ABCB5: variants seen among roughly 807,000 people sequenced by gnomAD.
The protein encoded by ABCB5 is ATP-binding cassette sub-family B member 5.
In ABCB5, 155 loss-of-function variants were observed where a neutral mutation model predicts 144.2. The observed-to-expected ratio is 1.08, with a 90% CI of 0.94 to 1.23. The LOEUF is 1.23. Among genes scored for constraint, ABCB5 ranks in the 50% most tolerant of loss-of-function variants. The probability of loss-of-function intolerance (pLI) is 0.00; values close to 1 mark genes in which losing one functional copy is unlikely to be tolerated. For missense variants in ABCB5, 1,830 were observed against 1,520.8 expected, an observed-to-expected ratio of 1.20 and a Z score of -3.38; for synonymous variants, 610 against 528.6, an observed-to-expected ratio of 1.15 and a Z score of -2.11.
rs980248063 is a variant in ABCB5 at position 20,707,935 on chromosome 7, C to G, written c.2421+3128C>G. 4.6e-5 allele frequency among the ~76,000 whole-genome samples: 7 copies of G among 151,444 alleles called. No homozygotes were observed. The East Asian group carries it at 9.8e-4, about 21-fold the overall frequency. ...TCTCCTGCCTCAGCCTCCCGAGTAG[C>G]TGGGACTACAGGTGCCTGCTACTAT... On this transcript the variant is annotated intron_variant, in intron 20 of 27. Transcript: ENST00000404938.
chr7:20,650,172 C>G, intron 12 of ABCB5, 25 bp downstream of exon 12: 1 of 1,610,658 alleles, frequency 6.2e-7, no homozygotes. Context: ...CAAAACCATG[C>G]ACAGTCCACC....
intron 19 of ABCB5, 120 bp downstream of exon 19, chr7:20,700,255 G>A: frequency 1.2e-6 from 1 of 864,382 alleles, no homozygotes; most frequent in Non-Finnish European, 1.7e-6. Flanking sequence ...CACTCTTTTT[G>A]TTCTAAGCAG....
intron 14 of ABCB5, among the ~76,000 whole-genome samples, chr7:20,673,640 T>G (rs1242271729): frequency 6.6e-6 from 1 of 152,006 alleles, no homozygotes; most frequent in Non-Finnish European, 1.5e-5. Flanking sequence ...AGTCTTAACC[T>G]CTTTGTTTCT....
At chr7:20,699,261 T>G (rs1258490897) in intron 17 of ABCB5, among the ~76,000 whole-genome samples, 1 of 150,630 alleles carries the variant, frequency 6.6e-6, no homozygotes, top group Non-Finnish European at 1.5e-5. Context: ...TAATAGCAGA[T>G]AGATGACTCA....
chr7:20,685,864 T>C (rs1194180127), intron 16 of ABCB5, 28 bp downstream of exon 16: 15 of 1,558,258 alleles, frequency 9.6e-6, no homozygotes, highest in Non-Finnish European at 1.3e-5. Context: ...AACCAGTTTT[T>C]CCTGCATGTT....
chr7:20,691,582 T>TTTTATTTATTTATTTATTTA (rs71020667), intron 16 of ABCB5, among the ~76,000 whole-genome samples: 186 of 146,886 alleles, frequency 1.3e-3, no homozygotes, highest in Admixed American at 2.2e-3. Context: ...TTAAATTCAT[T>TTTTATTTATTTATTTATTTA]TTTATTTATT....
rs1019170808 is a variant in ABCB5, at chr7:20,650,121, A to C, written c.1306A>C (p.Arg436=). ...GKSTVVQLLQ[R]LYDPDDGFIM... ...GAGTACGGTAGTCCAGCTTCTGCAG[A>C]GGTTATATGATCCGGATGATGGCTT... The change falls in exon 12 of 28, where the codon AGG becomes CGG. Residue 436 remains arginine, a synonymous_variant. Transcript: ENST00000404938. 1 of 1,613,604 alleles carries C rather than the reference A, an allele frequency of 6.2e-7. No homozygotes were observed. The highest frequency in any genetic ancestry group is 1.3e-5 in the African/African-American group (1 of 75,020).
chr7:20,664,326 C>A (rs1269201439), intron 14 of ABCB5, among the ~76,000 whole-genome samples: 1 of 152,108 alleles, frequency 6.6e-6, no homozygotes. Flanking sequence ...TGGGTTAAAA[C>A]CACTTTTGTT....
chr7:20,629,145 C>T (rs367628037), intron 4 of ABCB5, among the ~76,000 whole-genome samples: 31 of 135,160 alleles, frequency 2.3e-4, no homozygotes, highest in South Asian at 5.3e-4. Context: ...AGAGAGACTG[C>T]GTGTGTGTGT....
At chr7:20,660,819 T>A (rs1011736608) in intron 14 of ABCB5, among the ~76,000 whole-genome samples, 5 of 152,138 alleles carry the variant, frequency 3.3e-5, no homozygotes, top group African/African-American at 1.2e-4. Context: ...GGTGATAGAA[T>A]CTATACCCAC....
In ABCB5 at chr7:20,749,395, ATTTTTTT is replaced by A. The variant is rs34687757; in HGVS notation, c.3430-3948_3430-3942del. ...GGTGCCTGCCACCTATGCCTGCCTA[ATTTTTTT>A]TTTTTTTTTTTTTTTTGCAAAGATG... On this transcript the variant is annotated intron_variant, in intron 26 of 27. Transcript: ENST00000404938. Among the ~76,000 whole-genome samples the A allele has an allele frequency of 3.7e-4, 30 of 81,936 alleles. No homozygotes were observed. In the East Asian group the frequency reaches 6.7e-3, roughly 18 times the overall value. 53.8% of individuals were successfully genotyped at this position (81,936 alleles called of 152,430 possible). A position where few individuals can be genotyped will look rare whatever the true frequency, so the allele number is the denominator to read the frequency against.
chr7:20,721,507 T>C (rs574964067), intron 20 of ABCB5, among the ~76,000 whole-genome samples: 38 of 152,286 alleles, frequency 2.5e-4, no homozygotes, highest in East Asian at 1.2e-3. Context: ...TTTTGACCTT[T>C]CTCCTATTTT....
chr7:20,755,234 C>T (rs1047227938), intron 27 of ABCB5, among the ~76,000 whole-genome samples, 193 bp from the exon 28 acceptor site: 59 of 152,202 alleles, frequency 3.9e-4, no homozygotes, highest in African/African-American at 1.4e-3. Context: ...CAGGCATGAG[C>T]CAATGTGCCC....
intron 24 of ABCB5, among the ~76,000 whole-genome samples, chr7:20,740,916 G>A (rs1225953682): frequency 6.6e-6 from 1 of 151,944 alleles, no homozygotes; most frequent in African/African-American, 2.4e-5. Context: ...AGTTCAGCCT[G>A]GTTAACATGG....
At chr7:20,678,848 G>A (rs184940271) in intron 14 of ABCB5, among the ~76,000 whole-genome samples, 2 of 152,274 alleles carry the variant, frequency 1.3e-5, no homozygotes, top group East Asian at 3.9e-4. Context: ...CTGATTTATG[G>A]TAAAGGCAGT....
intron 5 of ABCB5, among the ~76,000 whole-genome samples, chr7:20,641,353 AC>A (rs1486516177): frequency 9.6e-5 from 2 of 20,800 alleles, no homozygotes; most frequent in Non-Finnish European, 2.2e-4. Flanking sequence ...TTATTGCAAA[AC>A]ACACACACAC....
chr7:20,632,012 CA>C, intron 4 of ABCB5, 46 bp from the exon 5 acceptor site: 1 of 1,290,194 alleles, frequency 7.8e-7, no homozygotes, highest in South Asian at 1.5e-5. Flanking sequence ...ACAGTGTGAC[CA>C]ATTATAAATT....
chr7:20,731,563 C>T (rs1436611620), intron 23 of ABCB5, among the ~76,000 whole-genome samples: 4 of 151,894 alleles, frequency 2.6e-5, no homozygotes, highest in Admixed American at 2.6e-4. Context: ...TCTGACCCTG[C>T]CCTGAGCACA....
At chr7:20,705,392 G>A (rs1217611139) in intron 20 of ABCB5, among the ~76,000 whole-genome samples, 3 of 152,174 alleles carry the variant, frequency 2.0e-5, no homozygotes, top group Non-Finnish European at 4.4e-5. Context: ...GCTGTGGGGA[G>A]TAGAGGAGTA....
Sources: allele counts gnomAD v4.1 joint callset (sites outside exome capture counted in the v4.1 genomes callset), GRCh38; gene constraint gnomAD v4.1.1; transcripts MANE v1.5; gene names NCBI Gene and HGNC (gene_info 2026-07-23, HGNC 2026-07-21).